MYOZ3: variants seen among roughly 807,000 people sequenced by gnomAD.
The protein encoded by MYOZ3 is myozenin-3.
In MYOZ3, 19 loss-of-function variants were observed where a neutral mutation model predicts 26.5. The ratio of observed to expected loss-of-function variants is 0.72; its 90% CI spans 0.50 to 1.05. The LOEUF (loss-of-function observed/expected upper bound fraction) is 1.05. MYOZ3 is among the 50% of genes least tolerant of loss of function. MYOZ3 has a pLI of 0.00. For synonymous variants in MYOZ3, 135 were observed against 138.8 expected (o/e 0.97, Z 0.19); for missense variants, 322 against 337.1 (o/e 0.96, Z 0.35).
At position 150,677,523 on chromosome 5, in the gene MYOZ3, C is replaced by T. The variant is rs1204752921; in HGVS notation, c.*648C>T. The T allele has an allele frequency of 6.6e-6, 1 of 152,452 alleles. No homozygotes were observed. The highest frequency in any genetic ancestry group is 1.5e-5 in the Non-Finnish European group (1 of 68,126). The allele number at this position is 152,452 out of a possible 1,614,324, so 9.4% of individuals were successfully genotyped here. A position where few individuals can be genotyped will look rare whatever the true frequency, so the allele number is the denominator to read the frequency against. ...TCATTAGGAGTCCACATCCACACCT[C>T]TGCTCTTTCCTGTTCCTGTAGTGTA... On this transcript the variant is annotated 3_prime_UTR_variant, in exon 7 of 7. Coordinates refer to ENST00000517768, the MANE Select transcript of MYOZ3 (RefSeq NM_001122853.3).
chr5:150,670,598 T>C lies in MYOZ3; in HGVS notation c.176T>C (p.Val59Ala), dbSNP rs566989151. Residue 59 changes from valine (V) to alanine (A), a missense_variant, in exon 3 of 7, where the codon GTG becomes GCG. Coordinates refer to ENST00000517768, the MANE Select transcript of MYOZ3 (RefSeq NM_001122853.3). ...CTCTTCCAGAAGAGGCAGCGCCGTGTGCAGAAGTTCACTTTCGAGTTAGCA... is the reference window on the plus strand; with the variant it reads ...CTCTTCCAGAAGAGGCAGCGCCGTGCGCAGAAGTTCACTTTCGAGTTAGCA... ...SLLFQKRQRR[V>A]QKFTFELAAS... is the part of the protein sequence containing the mutation. 2.5e-6 allele frequency: 4 copies of C among 1,612,686 alleles called. No individual in the cohort carries two copies. The highest frequency in any genetic ancestry group is 1.7e-4 in the Middle Eastern group (1 of 6,058).
chr5:150,670,309 G>A (rs910792798), intron 2 of MYOZ3, 175 bp from the exon 3 acceptor site: 297 of 567,934 alleles, frequency 5.2e-4, no homozygotes, highest in South Asian at 7.9e-4. Context: ...TAAACTCTGA[G>A]GTGTCATTTT....
At chr5:150,663,285 C>T (rs1464299827) in intron 2 of MYOZ3, among the ~76,000 whole-genome samples, 2 of 152,248 alleles carry the variant, frequency 1.3e-5, no homozygotes, top group South Asian at 2.1e-4. Flanking sequence ...TCTAAGGCCT[C>T]ACCTCAGCCC....
rs1318067646 is a variant in MYOZ3, at chr5:150,670,550, T to C, written c.128T>C (p.Leu43Pro). 6 of 1,613,358 alleles carry C rather than the reference T, an allele frequency of 3.7e-6. No homozygotes were observed. The African/African-American group carries it at 6.7e-5, about 18-fold the overall frequency. The change falls in exon 3 of 7, where the codon CTA (leucine) becomes CCA (proline). Residue 43 changes from leucine to proline, a missense_variant. Coordinates refer to ENST00000517768, the MANE Select transcript of MYOZ3 (RefSeq NM_001122853.3). ...PQDLMMEELS[L>P]RNNRGSLLFQ... The stretch of plus-strand genomic sequence containing the variant: ...GACCTGATGATGGAGGAGCTGTCAC[T>C]ACGCAACAACAGAGGGTCCCTCCTC...
intron 2 of MYOZ3, among the ~76,000 whole-genome samples, chr5:150,665,154 G>T (rs1269555773): frequency 2.6e-5 from 4 of 152,154 alleles, no homozygotes; most frequent in African/African-American, 9.7e-5. Flanking sequence ...GTTGTCTGGG[G>T]TGAGATCCTT....
At chr5:150,672,314 G>T (rs1448948468) in intron 5 of MYOZ3, 26 bp from the exon 6 acceptor site, 1 of 1,571,746 alleles carries the variant, frequency 6.4e-7, no homozygotes. Context: ...AAGAACGGAG[G>T]CGCTCCCTTC....
At chr5:150,665,695 C>G (rs1283165695) in intron 2 of MYOZ3, among the ~76,000 whole-genome samples, 1 of 151,748 alleles carries the variant, frequency 6.6e-6, no homozygotes. Flanking sequence ...TCTGCAAGTG[C>G]TGGGATTATA....
At chr5:150,663,996 A>G (rs1388414588) in intron 2 of MYOZ3, among the ~76,000 whole-genome samples, 1 of 150,666 alleles carries the variant, frequency 6.6e-6, no homozygotes, top group African/African-American at 2.4e-5. Flanking sequence ...CTGTCTCTAA[A>G]AAAAAAAAAA....
chr5:150,667,575 A>G (rs907572960), intron 2 of MYOZ3, among the ~76,000 whole-genome samples: 1 of 151,904 alleles, frequency 6.6e-6, no homozygotes, highest in Non-Finnish European at 1.5e-5. Flanking sequence ...CCCTCTCTCT[A>G]TTGCATTGTC....
chr5:150,675,125 A>G (rs563659341), intron 6 of MYOZ3, among the ~76,000 whole-genome samples: 3 of 152,322 alleles, frequency 2.0e-5, no homozygotes, highest in Admixed American at 2.0e-4. Flanking sequence ...CCATCCTCCA[A>G]TCCCAGTTGC....
In MYOZ3 at chr5:150,671,870, C is replaced by T. The variant is rs755691028; in HGVS notation, c.386C>T (p.Pro129Leu). 6.3e-7 allele frequency: 1 copy of T among 1,589,564 alleles called. No individual in the cohort carries two copies. The highest frequency in any genetic ancestry group is 1.1e-5 in the South Asian group (1 of 88,938). The change falls in exon 5 of 7, where the codon CCT becomes CTT. Residue 129 changes from proline to leucine, a missense_variant. Transcript: ENST00000517768. ...GAGGGCGCCCACCCTGCAGCCGCCCCTGCTGGGTGCGTCCCCAGCCCCAGC... is the reference window on the plus strand; with the variant it reads ...GAGGGCGCCCACCCTGCAGCCGCCCTTGCTGGGTGCGTCCCCAGCCCCAGC... Reference protein sequence around the residue: ...GPEGAHPAAAPAGCVPSPSAL... With the variant: ...GPEGAHPAAALAGCVPSPSAL...
intron 6 of MYOZ3, among the ~76,000 whole-genome samples, chr5:150,675,074 T>C (rs1472230209): frequency 2.0e-5 from 3 of 152,198 alleles, no homozygotes; most frequent in Admixed American, 2.0e-4. Flanking sequence ...GGTTCTCTTT[T>C]AAAAAATGTT....
intron 6 of MYOZ3, among the ~76,000 whole-genome samples, chr5:150,676,478 A>C (rs1759007949): frequency 6.9e-6 from 1 of 144,158 alleles, no homozygotes; most frequent in African/African-American, 2.6e-5. Flanking sequence ...TGGGAGGCGG[A>C]GGTTGCAGTG....
chr5:150,666,732 T>A (rs1758816863), intron 2 of MYOZ3, among the ~76,000 whole-genome samples: 1 of 150,046 alleles, frequency 6.7e-6, no homozygotes, highest in Non-Finnish European at 1.5e-5. Context: ...AATCTTACTT[T>A]CCCCTCCAAT....
chr5:150,669,396 G>A (rs1006537898), intron 2 of MYOZ3, among the ~76,000 whole-genome samples: 31 of 150,824 alleles, frequency 2.1e-4, no homozygotes, highest in Admixed American at 1.8e-3. Context: ...GCAGCGAGCC[G>A]AGATTGTGCC....
intron 5 of MYOZ3, 23 bp from the exon 6 acceptor site, chr5:150,672,317 C>T: frequency 6.3e-7 from 1 of 1,576,542 alleles, no homozygotes; most frequent in Non-Finnish European, 8.6e-7. Flanking sequence ...AACGGAGGCG[C>T]TCCCTTCCCC....
chr5:150,674,469 T>C (rs1407952053), intron 6 of MYOZ3, among the ~76,000 whole-genome samples: 1 of 152,258 alleles, frequency 6.6e-6, no homozygotes, highest in Non-Finnish European at 1.5e-5. Flanking sequence ...TCCAGGGTCC[T>C]GGGCTCCCAG....
rs1042580024 is a variant in MYOZ3 at position 150,678,155 on chromosome 5, G to A, written c.*1280G>A. Reference sequence around the variant, plus strand: ...GCCAGAAGCCAGGAAGCCTGCAAGGGATGAGGCCATGGGAATGGAGAGAAG... The same window carrying A: ...GCCAGAAGCCAGGAAGCCTGCAAGGAATGAGGCCATGGGAATGGAGAGAAG... On this transcript the variant is annotated 3_prime_UTR_variant, in exon 7 of 7. Transcript: ENST00000517768. The A allele has an allele frequency of 1.3e-5, 2 of 152,600 alleles. No individual in the cohort carries two copies. Among genetic ancestry groups the A allele is most frequent in the African/African-American group, 4.8e-5 (2 of 41,428 alleles). The allele number at this position is 152,600 out of a possible 1,614,324, so 9.5% of individuals were successfully genotyped here. A position where few individuals can be genotyped will look rare whatever the true frequency, so the allele number is the denominator to read the frequency against.
chr5:150,668,729 G>A (rs1758846078), intron 2 of MYOZ3, among the ~76,000 whole-genome samples: 1 of 152,176 alleles, frequency 6.6e-6, no homozygotes, highest in Admixed American at 6.5e-5. Context: ...TTCCTTTGTT[G>A]GCCAAACGTG....
Sources: gnomAD v4.1 joint callset for allele counts (sites outside exome capture counted in the v4.1 genomes callset) on GRCh38, gnomAD v4.1.1 for gene constraint, MANE v1.5 for transcripts, NCBI Gene and HGNC (gene_info 2026-07-23, HGNC 2026-07-21) for gene names.